LHFPL3: variants seen among roughly 807,000 people sequenced by gnomAD.
LHFPL3 encodes the protein LHFPL tetraspan subfamily member 3 protein.
A neutral mutation model predicts 19.3 loss-of-function variants in LHFPL3; 5 were observed. The observed-to-expected ratio is 0.26, with a 90% CI of 0.14 to 0.54. The LOEUF is 0.54. Among genes scored for constraint, LHFPL3 ranks in the 20% least tolerant of loss-of-function variants. The pLI is 0.94. For missense variants in LHFPL3, 249 were observed against 307.4 expected (o/e 0.81, Z 1.42); for synonymous variants, 133 against 126.2 (o/e 1.05, Z -0.36).
At chr7:104,769,641 G>A (rs189596253) in intron 2 of LHFPL3, among the ~76,000 whole-genome samples, 5 of 150,932 alleles carry the variant, frequency 3.3e-5, no homozygotes, top group African/African-American at 4.9e-5. Flanking sequence ...CCCGGTGTGT[G>A]ATGTTCCCCT....
rs1454974514 is a variant in LHFPL3, at chr7:104,355,746, C to T, written c.445+26522C>T. 2.0e-5 allele frequency among the ~76,000 whole-genome samples: 3 copies of T among 152,144 alleles called. No individual in the cohort carries two copies. In the South Asian group the frequency reaches 6.2e-4, roughly 31 times the overall value. On this transcript the variant is annotated intron_variant, in intron 1 of 2. Coordinates refer to ENST00000424859, the MANE Select transcript of LHFPL3 (RefSeq NM_199000.3). ...CAGACTCATTCTCAAAAGTAAGTGT[C>T]GCATGTTTAAAAAATTGGACCGGGA... is the stretch of plus-strand genomic sequence containing the variant.
intron 2 of LHFPL3, chr7:104,895,302 A>T (rs180788409): frequency 6.6e-6 from 1 of 152,338 alleles, no homozygotes; most frequent in Non-Finnish European, 1.5e-5. Context: ...GCCCCAGGAC[A>T]GAGTCAAATC....
chr7:104,733,861 G>A (rs969639251), intron 1 of LHFPL3, among the ~76,000 whole-genome samples: 3 of 152,280 alleles, frequency 2.0e-5, no homozygotes, highest in East Asian at 1.9e-4. Context: ...GGCTGGGACC[G>A]GTTATTCCTT....
At chr7:104,606,654 C>A (rs1791108470) in intron 1 of LHFPL3, among the ~76,000 whole-genome samples, 1 of 152,002 alleles carries the variant, frequency 6.6e-6, no homozygotes, top group Admixed American at 6.6e-5. Flanking sequence ...CAGAAAAAAT[C>A]AATCCACTGA....
intron 1 of LHFPL3, among the ~76,000 whole-genome samples, chr7:104,409,376 C>T (rs1187517395): frequency 6.6e-6 from 1 of 151,632 alleles, no homozygotes; most frequent in South Asian, 2.1e-4. Context: ...CAACTGAAAG[C>T]ATATTGGGTG....
chr7:104,721,049 A>G (rs1424391063), intron 1 of LHFPL3, among the ~76,000 whole-genome samples: 2 of 152,214 alleles, frequency 1.3e-5, no homozygotes, highest in African/African-American at 4.8e-5. Flanking sequence ...TATATACCCA[A>G]AGGATTATAA....
intron 2 of LHFPL3, among the ~76,000 whole-genome samples, chr7:104,740,368 C>T (rs1038331483): frequency 1.3e-5 from 2 of 152,046 alleles, no homozygotes; most frequent in African/African-American, 4.8e-5. Context: ...TAGAATATGC[C>T]CCTAATGTGA....
intron 1 of LHFPL3, among the ~76,000 whole-genome samples, chr7:104,652,776 A>G (rs1425800817): frequency 6.6e-6 from 1 of 152,202 alleles, no homozygotes; most frequent in Non-Finnish European, 1.5e-5. Flanking sequence ...TTTACTCGGT[A>G]ACTACTATAG....
intron 2 of LHFPL3, among the ~76,000 whole-genome samples, chr7:104,788,613 A>G (rs1284732555): frequency 6.6e-6 from 1 of 152,014 alleles, no homozygotes; most frequent in Non-Finnish European, 1.5e-5. Flanking sequence ...AGTTGGTACC[A>G]TGACTTTCTT....
In LHFPL3 at chr7:104,861,525, G is replaced by A. The variant is rs141573050; in HGVS notation, c.683-44662G>A. ...TGGGAGAACCTTGGAGGATGACAGGGCCTCCCGGGTTAGCAACAGAGAGAG... is the reference window on the plus strand; with the variant it reads ...TGGGAGAACCTTGGAGGATGACAGGACCTCCCGGGTTAGCAACAGAGAGAG... On this transcript the variant is annotated intron_variant, in intron 2 of 2. Coordinates refer to ENST00000424859, the MANE Select transcript of LHFPL3 (RefSeq NM_199000.3). 2.6e-5 allele frequency among the ~76,000 whole-genome samples: 4 copies of A among 152,246 alleles called. No individual in the cohort carries two copies. The East Asian group carries it at 7.7e-4, about 29-fold the overall frequency.
intron 1 of LHFPL3, among the ~76,000 whole-genome samples, chr7:104,474,190 T>A (rs1376856802): frequency 1.3e-5 from 2 of 152,168 alleles, no homozygotes; most frequent in Non-Finnish European, 2.9e-5. Context: ...CTAGTTTAGT[T>A]CATCACCTGT....
At chr7:104,634,179 G>A (rs943649596) in intron 1 of LHFPL3, among the ~76,000 whole-genome samples, 1 of 152,258 alleles carries the variant, frequency 6.6e-6, no homozygotes, top group South Asian at 2.1e-4. Flanking sequence ...AGGTCCCTAT[G>A]TCATTTAACT....
chr7:104,446,677 G>A (rs981881386), intron 1 of LHFPL3, among the ~76,000 whole-genome samples: 5 of 152,290 alleles, frequency 3.3e-5, no homozygotes, highest in Non-Finnish European at 7.4e-5. Context: ...CGGGGTTCAA[G>A]TGATTCTCTT....
intron 1 of LHFPL3, among the ~76,000 whole-genome samples, chr7:104,666,511 TC>T: frequency 2.0e-5 from 2 of 97,744 alleles, no homozygotes; most frequent in East Asian, 2.6e-4. Flanking sequence ...AGGATTTCAT[TC>T]TTTTTTTTTT....
intron 1 of LHFPL3, among the ~76,000 whole-genome samples, chr7:104,588,470 A>G (rs1216501212): frequency 2.0e-5 from 3 of 151,942 alleles, no homozygotes; most frequent in Non-Finnish European, 4.4e-5. Flanking sequence ...TGTTCCATTG[A>G]TCTATATCTC....
intron 1 of LHFPL3, among the ~76,000 whole-genome samples, chr7:104,492,791 T>C (rs372010944): frequency 1.8e-4 from 28 of 152,196 alleles, no homozygotes; most frequent in African/African-American, 6.5e-4. Flanking sequence ...TCTCCTTTCC[T>C]TTCTGTCTTA....
At chr7:104,330,516 A>C (rs1414135194) in intron 1 of LHFPL3, among the ~76,000 whole-genome samples, 1 of 152,182 alleles carries the variant, frequency 6.6e-6, no homozygotes, top group African/African-American at 2.4e-5. Flanking sequence ...ATAGTCCTAT[A>C]TTGCTAGTTT....
intron 1 of LHFPL3, among the ~76,000 whole-genome samples, chr7:104,516,665 A>T (rs1793927621): frequency 6.6e-6 from 1 of 152,138 alleles, no homozygotes; most frequent in Non-Finnish European, 1.5e-5. Context: ...GCGAGGTTGC[A>T]GAGAAAAAGG....
At chr7:104,474,687 CAAAAAAA>C (rs928431129) in intron 1 of LHFPL3, among the ~76,000 whole-genome samples, 6 of 41,050 alleles carry the variant, frequency 1.5e-4, no homozygotes, top group South Asian at 8.0e-4. Context: ...ACAACAACAA[CAAAAAAA>C]AAAAAAAAAA....
Sources: gnomAD v4.1 joint callset for allele counts (sites outside exome capture counted in the v4.1 genomes callset) on GRCh38, gnomAD v4.1.1 for gene constraint, MANE v1.5 for transcripts, NCBI Gene and HGNC (gene_info 2026-07-23, HGNC 2026-07-21) for gene names.